CDKL1: variants seen among roughly 807,000 people sequenced by gnomAD.
CDKL1 encodes the protein cyclin dependent kinase like 1.
In CDKL1, 41 loss-of-function variants were observed where a neutral mutation model predicts 42.0. That is an observed-to-expected ratio of 0.98 (90% CI 0.76 to 1.27). CDKL1 has a LOEUF of 1.27. CDKL1 is among the 50% of genes most tolerant of loss of function. The pLI, the probability that CDKL1 is intolerant of heterozygous loss-of-function variation, is 0.00. For missense variants in CDKL1, 394 were observed against 428.4 expected (o/e 0.92, Z 0.71); for synonymous variants, 153 against 158.6 (o/e 0.96, Z 0.26).
chr14:50,349,283 A>T (rs1284818476), intron 3 of CDKL1, among the ~76,000 whole-genome samples: 1 of 152,258 alleles, frequency 6.6e-6, no homozygotes, highest in African/African-American at 2.4e-5. Flanking sequence ...ACAAGCCTAT[A>T]TCCAAACAAA....
chr14:50,370,069 ATT>A (rs796913429), intron 2 of CDKL1, among the ~76,000 whole-genome samples: 11 of 143,818 alleles, frequency 7.6e-5, no homozygotes, highest in African/African-American at 2.8e-4. Context: ...TCTTTTAGCA[ATT>A]TTTTTTTTTT....
chr14:50,362,543 C>T (rs750499802), intron 2 of CDKL1: 14 of 192,612 alleles, frequency 7.3e-5, no homozygotes, highest in Non-Finnish European at 1.5e-4. Flanking sequence ...CTTGGAGAAC[C>T]TTTATGTGTA....
Position 50,395,833 on chromosome 14 carries a change from T to C in CDKL1, c.36A>G (p.Glu12=), listed in dbSNP as rs758591506. ...EKYEKIGKIG[E]GSYGVVFKCR... ...ATTTGAAAACAACTCCATAGGATCCTTCTCCAATTTTCCCAATTTTTTCAT... is the reference window on the plus strand; with the variant it reads ...ATTTGAAAACAACTCCATAGGATCCCTCTCCAATTTTCCCAATTTTTTCAT... The change falls in exon 2 of 10, where the codon GAA becomes GAG. Residue 12 remains glutamate, a synonymous_variant. Transcript: ENST00000395834. The C allele has an allele frequency of 1.2e-6, 2 of 1,610,296 alleles. No homozygotes were observed. Among genetic ancestry groups the C allele is most frequent in the South Asian group, 2.2e-5 (2 of 90,998 alleles).
intron 3 of CDKL1, among the ~76,000 whole-genome samples, chr14:50,353,034 G>C (rs1027021987): frequency 6.6e-6 from 1 of 152,146 alleles, no homozygotes; most frequent in Non-Finnish European, 1.5e-5. Flanking sequence ...TCGACTTTAG[G>C]AATAATTTAT....
At chr14:50,350,675 T>G (rs1424808008) in intron 3 of CDKL1, among the ~76,000 whole-genome samples, 2 of 152,164 alleles carry the variant, frequency 1.3e-5, no homozygotes, top group Non-Finnish European at 2.9e-5. Context: ...CCTGAAGATA[T>G]CAGCTCCCCC....
intron 2 of CDKL1, chr14:50,390,356 C>A (rs1395709097): frequency 1.5e-6 from 2 of 1,366,190 alleles, no homozygotes; most frequent in African/African-American, 2.9e-5. Context: ...CTAGGAGCAT[C>A]TACTTTTTCT....
intron 7 of CDKL1, 105 bp downstream of exon 7, chr14:50,338,842 A>T: frequency 1.3e-6 from 1 of 788,932 alleles, no homozygotes; most frequent in Admixed American, 1.8e-5. Flanking sequence ...TTTCTCTGTT[A>T]GACTGACCTC....
chr14:50,379,582 C>A (rs1046818454), intron 2 of CDKL1, among the ~76,000 whole-genome samples: 1 of 152,128 alleles, frequency 6.6e-6, no homozygotes, highest in Admixed American at 6.5e-5. Flanking sequence ...GAGAAGCAAG[C>A]CAGAACACCT....
intron 2 of CDKL1, among the ~76,000 whole-genome samples, chr14:50,392,184 G>T (rs566961901): frequency 1.3e-5 from 2 of 152,282 alleles, no homozygotes; most frequent in Admixed American, 1.3e-4. Context: ...GGGGGCTCAC[G>T]CCCATAATCC....
At chr14:50,365,256 T>C (rs2034404766) in intron 2 of CDKL1, among the ~76,000 whole-genome samples, 1 of 152,184 alleles carries the variant, frequency 6.6e-6, no homozygotes, top group Non-Finnish European at 1.5e-5. Context: ...AATTTAAGGC[T>C]TGTGATATAT....
intron 2 of CDKL1, 53 bp from the exon 3 acceptor site, chr14:50,359,202 C>G: frequency 6.4e-7 from 1 of 1,566,106 alleles, no homozygotes; most frequent in South Asian, 1.2e-5. Flanking sequence ...AGACAGCTTT[C>G]TCTAATCTTG....
intron 2 of CDKL1, among the ~76,000 whole-genome samples, chr14:50,360,592 G>A (rs2034206499): frequency 6.6e-6 from 1 of 151,278 alleles, no homozygotes; most frequent in Non-Finnish European, 1.5e-5. Context: ...ACTTTGAGTA[G>A]AGACAGGGTT....
At position 50,327,444 on chromosome 14, in the gene CDKL1, T is replaced by C. The variant is rs1422736563; in HGVS notation, c.*2630A>G. The C allele has an allele frequency of 1.3e-5, 2 of 150,888 alleles. No homozygotes were observed. The highest frequency in any genetic ancestry group is 4.9e-5 in the African/African-American group (2 of 41,094). The allele number at this position is 150,888 out of a possible 1,614,324, so 9.3% of individuals were successfully genotyped here. ...ATGCCAGTTTGTTTATAGATTTCTG[T>C]GTGTTTGATTTGAACTTTTTTTTTT... On this transcript the variant is annotated 3_prime_UTR_variant, in exon 10 of 10. Coordinates refer to ENST00000395834, the MANE Select transcript of CDKL1 (RefSeq NM_004196.7).
At chr14:50,332,170 T>C in intron 9 of CDKL1, 92 bp downstream of exon 9, 1 of 1,613,988 alleles carries the variant, frequency 6.2e-7, no homozygotes, top group Non-Finnish European at 8.5e-7. Flanking sequence ...GGAATGAGGA[T>C]GCTGGAGCTG....
At chr14:50,338,568 AGACCATGGG>A (rs1466672732) in intron 7 of CDKL1, among the ~76,000 whole-genome samples, 1 of 152,130 alleles carries the variant, frequency 6.6e-6, no homozygotes, top group Non-Finnish European at 1.5e-5. Context: ...CATGGTCTGG[AGACCATGGG>A]CATAGTAGAG....
At chr14:50,333,733 C>G (rs2033097418) in intron 8 of CDKL1, 1 of 152,020 alleles carries the variant, frequency 6.6e-6, no homozygotes, top group Non-Finnish European at 1.5e-5. Flanking sequence ...GATTGGGACC[C>G]CTTTCAGGTA....
Position 50,330,052 on chromosome 14 carries a change from A to G in CDKL1, c.*22T>C. The G allele has an allele frequency of 6.3e-7, 1 of 1,599,772 alleles. No homozygotes were observed. Among genetic ancestry groups the G allele is most frequent in the South Asian group, 1.1e-5 (1 of 87,570 alleles). ...CAAAGCATCTATTGATTCCTTTTTT[A>G]AAATCATGTCTCCTAGCTCCTTTAA... On this transcript the variant is annotated 3_prime_UTR_variant, in exon 10 of 10. Transcript: ENST00000395834.
At chr14:50,355,161 C>T (rs2034019544) in intron 3 of CDKL1, among the ~76,000 whole-genome samples, 1 of 151,994 alleles carries the variant, frequency 6.6e-6, no homozygotes, top group Non-Finnish European at 1.5e-5. Flanking sequence ...TGTATTCTAT[C>T]ATAAAACTTT....
chr14:50,339,538 G>A (rs1374979351), intron 6 of CDKL1, among the ~76,000 whole-genome samples: 1 of 142,076 alleles, frequency 7.0e-6, no homozygotes, highest in Admixed American at 7.1e-5. Flanking sequence ...GGGAGGGAGG[G>A]AGGGGAGGGG....
Sources: allele counts gnomAD v4.1 joint callset (sites outside exome capture counted in the v4.1 genomes callset), GRCh38; gene constraint gnomAD v4.1.1; transcripts MANE v1.5; gene names NCBI Gene and HGNC (gene_info 2026-07-23, HGNC 2026-07-21).